The following ARMC2 variants were observed in gnomAD, a reference collection of about 807,000 sequenced individuals.
The protein encoded by ARMC2 is armadillo repeat containing 2, also known as armadillo repeat-containing protein 2.
In ARMC2, 67 loss-of-function variants were observed where a neutral mutation model predicts 90.3. That is an observed-to-expected ratio of 0.74 (90% confidence interval 0.61 to 0.91). The LOEUF is 0.91. Among genes scored for constraint, ARMC2 ranks in the 40% least tolerant of loss-of-function variants. The pLI is 0.00. For synonymous variants in ARMC2, 393 were observed against 393.0 expected, an observed-to-expected ratio of 1.00 and a Z score of 0.00; for missense variants, 920 against 1,030.9, an observed-to-expected ratio of 0.89 and a Z score of 1.47.
chr6:108,925,454 G>A (rs1349470824), intron 10 of ARMC2, among the ~76,000 whole-genome samples: 1 of 152,340 alleles, frequency 6.6e-6, no homozygotes, highest in East Asian at 1.9e-4. Flanking sequence ...CTTCACTGAA[G>A]CGTCTAGTCT....
intron 5 of ARMC2, among the ~76,000 whole-genome samples, chr6:108,884,915 C>G (rs1410205538): frequency 2.6e-5 from 4 of 152,142 alleles, no homozygotes; most frequent in African/African-American, 9.7e-5. Flanking sequence ...GAGATGGAAC[C>G]CTGCATGGCA....
At chr6:108,873,804 C>G (rs148910507) in intron 4 of ARMC2, among the ~76,000 whole-genome samples, 2 of 152,152 alleles carry the variant, frequency 1.3e-5, no homozygotes, top group Non-Finnish European at 2.9e-5. Flanking sequence ...CTGACCAACT[C>G]CCAACCCCTC....
chr6:108,974,670 A>G (rs769804554), downstream of ARMC2, among the ~76,000 whole-genome samples: 40 of 152,040 alleles, frequency 2.6e-4, no homozygotes, highest in South Asian at 1.2e-3. Flanking sequence ...CAAATTTACT[A>G]CTCTGCTTGG....
chr6:108,867,220 A>G (rs1198859343), intron 3 of ARMC2, among the ~76,000 whole-genome samples: 1 of 152,202 alleles, frequency 6.6e-6, no homozygotes, highest in Non-Finnish European at 1.5e-5. Flanking sequence ...GGCAGGAAGG[A>G]TAAGACCACC....
chr6:108,955,936 C>A (rs1328226394), intron 13 of ARMC2, among the ~76,000 whole-genome samples: 1 of 152,150 alleles, frequency 6.6e-6, no homozygotes, highest in Non-Finnish European at 1.5e-5. Flanking sequence ...TGGTTTCTGG[C>A]CCCTGCCCAG....
chr6:108,881,047 G>T (rs1481418138), intron 5 of ARMC2, among the ~76,000 whole-genome samples: 1 of 151,686 alleles, frequency 6.6e-6, no homozygotes, highest in Non-Finnish European at 1.5e-5. Flanking sequence ...GTAGAGATGG[G>T]GTTTCACCAT....
At chr6:108,924,168 A>G (rs934821849) in intron 10 of ARMC2, 1 of 152,296 alleles carries the variant, frequency 6.6e-6, no homozygotes, top group African/African-American at 2.4e-5. Context: ...AGAGGAAGTG[A>G]CTGATCAGCC....
intron 3 of ARMC2, among the ~76,000 whole-genome samples, chr6:108,861,449 C>A (rs1775232806): frequency 6.6e-6 from 1 of 152,204 alleles, no homozygotes; most frequent in African/African-American, 2.4e-5. Context: ...CATCATAGCT[C>A]AGAAAATTAA....
At chr6:109,039,242 T>C in the ARMC2 span, among the ~76,000 whole-genome samples, 15 of 152,170 alleles carry the variant, frequency 9.9e-5, no homozygotes, top group Non-Finnish European at 1.5e-5. Context: ...GGGAAGACCA[T>C]GACCAAAGAT....
chr6:108,851,944 TTGTGTTTCCTCTTC>T (rs1309166874), intron 1 of ARMC2, among the ~76,000 whole-genome samples: 1 of 152,158 alleles, frequency 6.6e-6, no homozygotes, highest in African/African-American at 2.4e-5. Flanking sequence ...TTATTCCTCT[TTGTGTTTCCTCTTC>T]TGTGTTTCCC....
At chr6:109,006,934 G>A in the ARMC2 span, among the ~76,000 whole-genome samples, 1 of 152,056 alleles carries the variant, frequency 6.6e-6, no homozygotes, top group Admixed American at 6.5e-5. Flanking sequence ...ACAAATTTTG[G>A]CCAATCCAGA....
chr6:108,920,154 A>G (rs2806378), intron 10 of ARMC2, among the ~76,000 whole-genome samples: 110,762 of 151,738 alleles, frequency 0.73, 40,935 homozygotes, highest in Middle Eastern at 0.81. Context: ...GGTATTGATC[A>G]CTACACTGGC....
the ARMC2 span, among the ~76,000 whole-genome samples, chr6:109,045,912 G>A: frequency 5.3e-5 from 8 of 152,200 alleles, no homozygotes; most frequent in Non-Finnish European, 1.0e-4. Flanking sequence ...CGATATGGAA[G>A]AACTCTGATT....
At chr6:108,897,991 A>G (rs530738575) in intron 6 of ARMC2, among the ~76,000 whole-genome samples, 2 of 152,340 alleles carry the variant, frequency 1.3e-5, no homozygotes, top group South Asian at 2.1e-4. Flanking sequence ...CATTAGAGGC[A>G]TTGGAAAATA....
At chr6:108,853,468 T>G (rs1040536737) in intron 1 of ARMC2, among the ~76,000 whole-genome samples, 1 of 152,046 alleles carries the variant, frequency 6.6e-6, no homozygotes, top group Admixed American at 6.5e-5. Context: ...GATATGACAT[T>G]TTATGGACTT....
chr6:108,874,109 T>G (rs1409988399), intron 4 of ARMC2, among the ~76,000 whole-genome samples: 2 of 152,226 alleles, frequency 1.3e-5, no homozygotes, highest in Non-Finnish European at 2.9e-5. Flanking sequence ...GTGCTGCAAC[T>G]GTCTACCGAG....
chr6:108,888,292 C>T (rs1352752389), intron 5 of ARMC2, among the ~76,000 whole-genome samples: 1 of 152,160 alleles, frequency 6.6e-6, no homozygotes, highest in Non-Finnish European at 1.5e-5. Flanking sequence ...GGAACTGTGC[C>T]AAGCAATCGC....
intron 4 of ARMC2, among the ~76,000 whole-genome samples, chr6:108,873,432 G>A (rs938488567): frequency 3.3e-5 from 5 of 152,082 alleles, no homozygotes; most frequent in Admixed American, 2.0e-4. Flanking sequence ...CCCTGCTCAC[G>A]CCTGTCCTGG....
intron 5 of ARMC2, chr6:108,880,238 A>G: frequency 3.2e-6 from 1 of 307,916 alleles, no homozygotes; most frequent in African/African-American, 2.2e-5. Flanking sequence ...ATTGTGTAAT[A>G]AATGCTGCTC....
Sources: gnomAD v4.1 joint callset for allele counts (sites outside exome capture counted in the v4.1 genomes callset) on GRCh38, gnomAD v4.1.1 for gene constraint, MANE v1.5 for transcripts, NCBI Gene and HGNC (gene_info 2026-07-23, HGNC 2026-07-21) for gene names.